SLC35F4: variants seen among roughly 807,000 people sequenced by gnomAD.
The protein encoded by SLC35F4 is solute carrier family 35 member F4.
A neutral mutation model predicts 44.2 loss-of-function variants in SLC35F4; 24 were observed. The observed-to-expected ratio is 0.54, with a 90% CI of 0.39 to 0.76. The LOEUF (loss-of-function observed/expected upper bound fraction) is 0.76. SLC35F4 is among the 30% of genes least tolerant of loss of function. The probability of loss-of-function intolerance (pLI) is 0.00; values close to 1 mark genes in which losing one functional copy is unlikely to be tolerated. For missense variants in SLC35F4, 562 were observed against 586.1 expected (o/e 0.96, Z 0.42); for synonymous variants, 238 against 223.6 (o/e 1.06, Z -0.57).
chr14:57,626,918 G>GT (rs931371885), intron 1 of SLC35F4, among the ~76,000 whole-genome samples: 2 of 152,014 alleles, frequency 1.3e-5, no homozygotes, highest in East Asian at 1.9e-4. Flanking sequence ...CTTTTGAAAA[G>GT]TTTTTTTACA....
intron 1 of SLC35F4, among the ~76,000 whole-genome samples, chr14:57,777,563 T>G (rs931858783): frequency 2.0e-5 from 3 of 151,460 alleles, no homozygotes; most frequent in Non-Finnish European, 4.4e-5. Context: ...CACTCATAGG[T>G]GGGAGCTGAA....
chr14:57,673,040 T>A (rs2074572258), intron 1 of SLC35F4, among the ~76,000 whole-genome samples: 2 of 152,142 alleles, frequency 1.3e-5, no homozygotes, highest in African/African-American at 4.8e-5. Flanking sequence ...GGGCTTCAAA[T>A]CTGAGCCAGC....
chr14:57,767,836 A>G (rs1358365258), intron 1 of SLC35F4, among the ~76,000 whole-genome samples: 1 of 152,176 alleles, frequency 6.6e-6, no homozygotes. Context: ...GGATATACTA[A>G]AAATCCTTCA....
At chr14:57,817,135 G>C (rs1882688268) in intron 1 of SLC35F4, among the ~76,000 whole-genome samples, 2 of 152,134 alleles carry the variant, frequency 1.3e-5, no homozygotes, top group Admixed American at 1.3e-4. Context: ...GATGACAGAT[G>C]AATCACTAGT....
At chr14:57,766,592 C>T (rs1315372767) in intron 1 of SLC35F4, among the ~76,000 whole-genome samples, 2 of 152,202 alleles carry the variant, frequency 1.3e-5, no homozygotes, top group African/African-American at 4.8e-5. Flanking sequence ...TTTGTGAGCA[C>T]AGTGTATGAC....
chr14:57,616,896 C>G (rs182952698), intron 1 of SLC35F4, among the ~76,000 whole-genome samples: 1 of 152,160 alleles, frequency 6.6e-6, no homozygotes, highest in East Asian at 1.9e-4. Flanking sequence ...AACCTTAGCC[C>G]CTCTTCTTCC....
At chr14:57,925,140 C>A (rs866849735) in intron 1 of SLC35F4, among the ~76,000 whole-genome samples, 1 of 151,496 alleles carries the variant, frequency 6.6e-6, no homozygotes, top group Non-Finnish European at 1.5e-5. Context: ...GAGAAGCCAT[C>A]AGTCTATTAA....
intron 1 of SLC35F4, among the ~76,000 whole-genome samples, chr14:57,880,328 T>A (rs1595264831): frequency 6.6e-6 from 1 of 152,136 alleles, no homozygotes. Flanking sequence ...ATGGGTGGAA[T>A]AAGGACTGAG....
intron 1 of SLC35F4, among the ~76,000 whole-genome samples, chr14:57,718,086 T>C (rs1566791394): frequency 6.6e-6 from 1 of 152,238 alleles, no homozygotes; most frequent in South Asian, 2.1e-4. Flanking sequence ...TTCAATTGTT[T>C]TGATTGCTGG....
Position 57,865,810 on chromosome 14 carries a change from C to T in SLC35F4, c.16G>A (p.Ala6Thr). ...TCGATAGTGGCCACCCCGTTGGGGGCCGCCTTGACATCCATAGAGAGCGCG... is the reference window on the plus strand; with the variant it reads ...TCGATAGTGGCCACCCCGTTGGGGGTCGCCTTGACATCCATAGAGAGCGCG... MDVKAAPNGVATIEDR... is the reference protein window; with the variant it reads MDVKATPNGVATIEDR... The change falls in exon 1 of 8, where the codon GCC becomes ACC. Residue 6 changes from alanine (A) to threonine (T), a missense_variant. Physicochemically the swap from Ala to Thr is moderately conservative, Grantham distance 58. Coordinates refer to ENST00000556826, the MANE Select transcript of SLC35F4 (RefSeq NM_001306087.2). The T allele has an allele frequency of 6.6e-7, 1 of 1,519,182 alleles. No homozygotes were observed. Among genetic ancestry groups the T allele is most frequent in the Non-Finnish European group, 8.8e-7 (1 of 1,140,002 alleles). 94.1% of individuals were successfully genotyped at this position (1,519,182 alleles called of 1,614,324 possible).
intron 1 of SLC35F4, among the ~76,000 whole-genome samples, chr14:57,923,630 T>C (rs561679835): frequency 1.3e-5 from 2 of 152,352 alleles, no homozygotes; most frequent in South Asian, 4.1e-4. Context: ...CAAAGCCTCC[T>C]TCTCAATGCT....
intron 1 of SLC35F4, among the ~76,000 whole-genome samples, chr14:57,614,907 T>C (rs57734549): frequency 0.028 from 4,254 of 152,338 alleles, 79 homozygotes; most frequent in Middle Eastern, 0.054. Context: ...ACTTAAACTT[T>C]TTAGATTTAA....
At chr14:57,856,658 T>C (rs1279394167) in intron 1 of SLC35F4, among the ~76,000 whole-genome samples, 2 of 152,086 alleles carry the variant, frequency 1.3e-5, no homozygotes, top group Non-Finnish European at 2.9e-5. Flanking sequence ...TTTAAAACCA[T>C]ATTACAAAAT....
intron 1 of SLC35F4, among the ~76,000 whole-genome samples, chr14:57,804,551 A>C (rs1881067147): frequency 6.6e-6 from 1 of 152,224 alleles, no homozygotes; most frequent in South Asian, 2.1e-4. Context: ...TGATACTGGA[A>C]GAGCTGGCTG....
At chr14:57,886,655 A>T (rs773690121) in intron 1 of SLC35F4, among the ~76,000 whole-genome samples, 7 of 152,174 alleles carry the variant, frequency 4.6e-5, no homozygotes, top group Non-Finnish European at 7.3e-5. Context: ...TGAGGGAAGA[A>T]GATGTGATTT....
chr14:57,772,305 CAATT>C (rs774967518), intron 1 of SLC35F4, among the ~76,000 whole-genome samples: 1 of 152,194 alleles, frequency 6.6e-6, no homozygotes, highest in African/African-American at 2.4e-5. Context: ...TGAAACCAGA[CAATT>C]AACTGCTTTC....
downstream of SLC35F4, among the ~76,000 whole-genome samples, chr14:57,976,464 C>T (rs147161798): frequency 3.0e-4 from 45 of 152,216 alleles, no homozygotes; most frequent in East Asian, 8.1e-3. Context: ...AGGTGGATGC[C>T]CCTGAAACTG....
At chr14:57,970,397 G>A (rs142612859) in intron 1 of SLC35F4, among the ~76,000 whole-genome samples, 277 of 152,258 alleles carry the variant, frequency 1.8e-3, no homozygotes, top group Middle Eastern at 3.4e-3. Flanking sequence ...TCAGAGACAG[G>A]ATGTGGCCAG....
intron 1 of SLC35F4, among the ~76,000 whole-genome samples, chr14:57,628,757 T>C (rs2072608816): frequency 6.6e-6 from 1 of 152,144 alleles, no homozygotes. Flanking sequence ...TAATAAGAGT[T>C]TGGGCTCCAG....
Sources: allele counts gnomAD v4.1 joint callset (sites outside exome capture counted in the v4.1 genomes callset), GRCh38; gene constraint gnomAD v4.1.1; transcripts MANE v1.5; gene names NCBI Gene and HGNC (gene_info 2026-07-23, HGNC 2026-07-21).